BAIAP2: variants seen among roughly 807,000 people sequenced by gnomAD.
BAIAP2 encodes BAR/IMD domain-containing adapter protein 2.
Under a neutral mutation model 63.0 loss-of-function variants are expected in BAIAP2, and 18 were observed. The ratio of observed to expected loss-of-function variants is 0.29; its 90% confidence interval spans 0.20 to 0.42. The LOEUF (loss-of-function observed/expected upper bound fraction) is 0.42. Ranked by LOEUF, BAIAP2 falls within the 10% of genes least tolerant of loss-of-function variation. The probability of loss-of-function intolerance (pLI) is 1.00; values close to 1 mark genes in which losing one functional copy is unlikely to be tolerated. For missense variants in BAIAP2, 610 were observed against 734.3 expected, an observed-to-expected ratio of 0.83 and a Z score of 1.96; for synonymous variants, 386 against 307.6, an observed-to-expected ratio of 1.25 and a Z score of -2.67.
intron 6 of BAIAP2, among the ~76,000 whole-genome samples, chr17:81,091,661 T>C (rs1242074180): frequency 3.9e-5 from 6 of 152,246 alleles, no homozygotes; most frequent in Non-Finnish European, 8.8e-5. Flanking sequence ...TTCGGGCTCC[T>C]GGGGCTGCTT....
chr17:81,113,547 G>GCCCAGCCCCTCCTTGTGGGCCTGCTGT (rs2060154506), intron 13 of BAIAP2, among the ~76,000 whole-genome samples: 1 of 152,168 alleles, frequency 6.6e-6, no homozygotes, highest in Non-Finnish European at 1.5e-5. Flanking sequence ...AAATAGGGAC[G>GCCCAGCCCCTCCTTGTGGGCCTGCTGT]CCCAGCCCCT....
At chr17:81,056,492 C>A (rs915046109) in intron 2 of BAIAP2, 1 of 152,344 alleles carries the variant, frequency 6.6e-6, no homozygotes, top group Non-Finnish European at 1.5e-5. Context: ...GGGTTTCTTC[C>A]CCGTCGTCCG....
chr17:81,093,501 G>A lies in BAIAP2; in HGVS notation c.490-6427G>A, dbSNP rs377623600. On this transcript the variant is annotated intron_variant, in intron 6 of 13. Coordinates refer to ENST00000428708, the MANE Select transcript of BAIAP2 (RefSeq NM_001144888.2). Reference sequence around the variant, plus strand: ...GAGGCAGGTGCAGCCCTCGCTGGCCGGTCGTGAGTGAGGAGGGAGAGATGG... The same window carrying A: ...GAGGCAGGTGCAGCCCTCGCTGGCCAGTCGTGAGTGAGGAGGGAGAGATGG... Among the ~76,000 whole-genome samples, 382 of 152,142 alleles carry A rather than the reference G, an allele frequency of 2.5e-3. 2 individuals are homozygous for A. Among genetic ancestry groups the A allele is most frequent in the Non-Finnish European group, 3.0e-3 (206 of 67,972 alleles).
intron 7 of BAIAP2, 143 bp downstream of exon 7, chr17:81,100,223 G>A: frequency 2.4e-6 from 3 of 1,248,630 alleles, no homozygotes; most frequent in Non-Finnish European, 2.1e-6. Flanking sequence ...TTTTCTTGGG[G>A]GTGAAGTTCT....
At chr17:81,098,175 A>G (rs761547237) in intron 6 of BAIAP2, 4 of 1,459,398 alleles carry the variant, frequency 2.7e-6, no homozygotes, top group Admixed American at 4.5e-5. Flanking sequence ...TGTCACTTCC[A>G]CCTACAGCCC....
At chr17:81,098,823 G>A (rs897915887) in intron 6 of BAIAP2, among the ~76,000 whole-genome samples, 8 of 152,344 alleles carry the variant, frequency 5.3e-5, no homozygotes, top group African/African-American at 1.4e-4. Context: ...GCTGACCGCC[G>A]GGTCAGGGTG....
intron 1 of BAIAP2, among the ~76,000 whole-genome samples, chr17:81,039,287 C>T (rs1316788176): frequency 6.6e-6 from 1 of 152,218 alleles, no homozygotes; most frequent in Non-Finnish European, 1.5e-5. Context: ...GGCTTTGGCC[C>T]CAGGCACTGT....
chr17:81,085,441 G>A (rs1057283454), intron 4 of BAIAP2: 14 of 683,622 alleles, frequency 2.0e-5, no homozygotes, highest in Admixed American at 1.0e-4. Flanking sequence ...GAGATTGTCC[G>A]ACGTTCCAGA....
intron 10 of BAIAP2, chr17:81,104,944 G>T: frequency 2.1e-6 from 1 of 481,514 alleles, no homozygotes; most frequent in Non-Finnish European, 3.8e-6. Context: ...CCCTGCAGGG[G>T]TCTTCCCCTA....
intron 1 of BAIAP2, among the ~76,000 whole-genome samples, chr17:81,052,533 G>A (rs1372235154): frequency 2.0e-5 from 3 of 152,230 alleles, no homozygotes; most frequent in Non-Finnish European, 4.4e-5. Flanking sequence ...GAGCCCCGGC[G>A]TAGTGCAGAA....
intron 3 of BAIAP2, among the ~76,000 whole-genome samples, chr17:81,059,539 G>A (rs2050193329): frequency 6.6e-6 from 1 of 152,214 alleles, no homozygotes; most frequent in African/African-American, 2.4e-5. Context: ...TGAACTCATG[G>A]GCTCAAGTGA....
chr17:81,104,370 A>AGCT, intron 9 of BAIAP2, 144 bp from the exon 10 acceptor site: 2 of 935,572 alleles, frequency 2.1e-6, no homozygotes, highest in Non-Finnish European at 3.2e-6. Context: ...GGGAGCAGGT[A>AGCT]GCTGCTGCTG....
At chr17:81,086,722 C>G in intron 6 of BAIAP2, 142 bp downstream of exon 6, 1 of 986,474 alleles carries the variant, frequency 1.0e-6, no homozygotes, top group African/African-American at 1.6e-5. Context: ...TGGTAGACCT[C>G]GGGAGCGGTG....
chr17:81,067,974 T>C (rs1320920300), intron 3 of BAIAP2, among the ~76,000 whole-genome samples: 1 of 152,244 alleles, frequency 6.6e-6, no homozygotes, highest in African/African-American at 2.4e-5. Flanking sequence ...CTGCCTCCGA[T>C]GTGGCCCCAC....
At chr17:81,059,931 G>A (rs920860405) in intron 3 of BAIAP2, among the ~76,000 whole-genome samples, 1 of 152,228 alleles carries the variant, frequency 6.6e-6, no homozygotes, top group African/African-American at 2.4e-5. Flanking sequence ...TGTTGGCGGA[G>A]TCCCTGGTGG....
chr17:81,115,076 G>A (rs1192683670), intron 13 of BAIAP2, among the ~76,000 whole-genome samples: 3 of 152,214 alleles, frequency 2.0e-5, no homozygotes, highest in Non-Finnish European at 2.9e-5. Flanking sequence ...CCTCTCATCC[G>A]TGCTCATCTT....
intron 6 of BAIAP2, 54 bp from the exon 7 acceptor site, chr17:81,099,873 TC>T: frequency 6.3e-7 from 1 of 1,591,774 alleles, no homozygotes; most frequent in Non-Finnish European, 8.6e-7. Flanking sequence ...CCCAAACCGG[TC>T]CTGACAGGCG....
chr17:81,096,969 G>C (rs911595672), intron 6 of BAIAP2, among the ~76,000 whole-genome samples: 1 of 152,110 alleles, frequency 6.6e-6, no homozygotes, highest in African/African-American at 2.4e-5. Context: ...GGAGAAGAAG[G>C]AGAAAGGAGA....
chr17:81,069,164 C>G (rs2052081238), intron 3 of BAIAP2, among the ~76,000 whole-genome samples: 1 of 152,168 alleles, frequency 6.6e-6, no homozygotes, highest in Non-Finnish European at 1.5e-5. Flanking sequence ...AATGGTGGGT[C>G]CACGGGCATT....
Sources: allele counts gnomAD v4.1 joint callset (sites outside exome capture counted in the v4.1 genomes callset), GRCh38; gene constraint gnomAD v4.1.1; transcripts MANE v1.5; gene names NCBI Gene and HGNC (gene_info 2026-07-23, HGNC 2026-07-21).